The following HIGD2B variants were observed in gnomAD, a reference collection of about 807,000 sequenced individuals.
HIGD2B encodes HIG1 domain family member 2B.
For synonymous variants in HIGD2B, 45 were observed against 28.1 expected, an observed-to-expected ratio of 1.60 and a Z score of -1.90; for missense variants, 106 against 67.0, an observed-to-expected ratio of 1.58 and a Z score of -2.03.
chr15:72,679,081 AAG>A (rs2064722168), intron 2 of HIGD2B, among the ~76,000 whole-genome samples: 1 of 151,964 alleles, frequency 6.6e-6, no homozygotes, highest in Non-Finnish European at 1.5e-5. Flanking sequence ...GAAGGAAAGA[AAG>A]AGGGCAGCCA....
At chr15:72,679,118 C>T (rs2064722628) in intron 2 of HIGD2B, among the ~76,000 whole-genome samples, 1 of 150,866 alleles carries the variant, frequency 6.6e-6, no homozygotes, top group African/African-American at 2.4e-5. Flanking sequence ...CGCCTGTAAT[C>T]CTAGGACTTT....
rs570850980 is a variant in HIGD2B, at chr15:72,684,370, G to GTT, written c.-193+1447_-193+1448insAA. 7.5e-3 allele frequency among the ~76,000 whole-genome samples: 1,137 copies of GTT among 152,298 alleles called. 2 individuals carry two copies. Among genetic ancestry groups the GTT allele is most frequent in the Middle Eastern group, 0.01 (3 of 294 alleles). On this transcript the variant is annotated intron_variant, in intron 1 of 2. Transcript: ENST00000311755. Reference sequence around the variant, plus strand: ...GGACAGAATATTACCTGTTATAGCTGAAGTGTGAATTGGCCTTATGTTCCC... The same window carrying GTT: ...GGACAGAATATTACCTGTTATAGCTGTTAAGTGTGAATTGGCCTTATGTTCCC...
intron 1 of HIGD2B, among the ~76,000 whole-genome samples, chr15:72,683,646 G>C (rs1387950044): frequency 1.3e-5 from 2 of 152,008 alleles, no homozygotes; most frequent in Non-Finnish European, 2.9e-5. Context: ...CTTGAGACCA[G>C]CCTAGGTAAC....
rs757372228 is a variant in HIGD2B at position 72,676,369 on chromosome 15, C to T, written c.6G>A (p.Ala2=). Residue 2 remains alanine (A), a synonymous_variant, in exon 3 of 3, where the codon GCG becomes GCA. Coordinates refer to ENST00000311755, the MANE Select transcript of HIGD2B (RefSeq NM_001350932.3). M[A]TLGFVTPEAP... is the part of the protein sequence containing the mutation. ...CCTCCGGAGTCACAAAGCCGAGAGTCGCCATGCCTAGGCCACAGCTGCAGG... is the reference window on the plus strand; with the variant it reads ...CCTCCGGAGTCACAAAGCCGAGAGTTGCCATGCCTAGGCCACAGCTGCAGG... 50 of 753,658 alleles carry T rather than the reference C, an allele frequency of 6.6e-5. No homozygotes were observed. The highest frequency in any genetic ancestry group is 9.0e-5 in the Non-Finnish European group (37 of 411,942). 46.7% of individuals were successfully genotyped at this position (753,658 alleles called of 1,614,324 possible). A position where few individuals can be genotyped will look rare whatever the true frequency, so the allele number is the denominator to read the frequency against.
intron 2 of HIGD2B, 26 bp downstream of exon 2, chr15:72,679,989 T>G: frequency 3.1e-6 from 1 of 320,740 alleles, no homozygotes; most frequent in Non-Finnish European, 5.3e-6. Flanking sequence ...GGTAACCAAC[T>G]GCTGGTCCAA....
At chr15:72,685,253 C>T (rs1161086504) in intron 1 of HIGD2B, among the ~76,000 whole-genome samples, 3 of 152,230 alleles carry the variant, frequency 2.0e-5, no homozygotes, top group Non-Finnish European at 2.9e-5. Flanking sequence ...TAAATGCTTT[C>T]CCAGTTAATG....
intron 1 of HIGD2B, chr15:72,682,940 A>G (rs1446331861): frequency 5.6e-6 from 1 of 177,480 alleles, no homozygotes; most frequent in East Asian, 1.7e-4. Flanking sequence ...TCTATTCGCT[A>G]TTCACCGCTG....
At chr15:72,684,292 T>C (rs1381460403) in intron 1 of HIGD2B, among the ~76,000 whole-genome samples, 1 of 152,200 alleles carries the variant, frequency 6.6e-6, no homozygotes, top group Admixed American at 6.5e-5. Context: ...ATGCCTTATG[T>C]AAATAGAGAA....
intron 1 of HIGD2B, among the ~76,000 whole-genome samples, chr15:72,680,626 C>G (rs377706531): frequency 3.3e-5 from 5 of 152,192 alleles, no homozygotes; most frequent in African/African-American, 1.2e-4. Flanking sequence ...TTGGCTCACG[C>G]CTGTAATTCC....
chr15:72,684,526 TG>T (rs2064787397), intron 1 of HIGD2B, among the ~76,000 whole-genome samples: 2 of 151,874 alleles, frequency 1.3e-5, no homozygotes, highest in Non-Finnish European at 2.9e-5. Context: ...TTGCTCTTGT[TG>T]CCCAGGCTGG....
In HIGD2B at chr15:72,680,143, T is replaced by C. The variant is rs114436764; in HGVS notation, c.-142A>G. On this transcript the variant is annotated 5_prime_UTR_variant, in exon 2 of 3. Transcript: ENST00000311755. The stretch of plus-strand genomic sequence containing the variant: ...TTAGGTTTTCTGATCTTCTTCCCAT[T>C]CTTACCCAGCTGGTGGAGTCTACAG... 6.2e-4 allele frequency: 134 copies of C among 215,152 alleles called. 1 individual carries two copies. The highest frequency in any genetic ancestry group is 3.0e-3 in the African/African-American group (128 of 43,058). 13.3% of individuals were successfully genotyped at this position (215,152 alleles called of 1,614,324 possible). A position where few individuals can be genotyped will look rare whatever the true frequency, so the allele number is the denominator to read the frequency against.
chr15:72,685,520 G>A (rs531775402), intron 1 of HIGD2B, among the ~76,000 whole-genome samples: 1 of 152,168 alleles, frequency 6.6e-6, no homozygotes, highest in Non-Finnish European at 1.5e-5. Flanking sequence ...CGCACCGGGG[G>A]CCAGACAGGT....
chr15:72,678,529 T>A (rs1198517915), intron 2 of HIGD2B, among the ~76,000 whole-genome samples: 1 of 152,078 alleles, frequency 6.6e-6, no homozygotes, highest in Non-Finnish European at 1.5e-5. Flanking sequence ...CTCAAACTCC[T>A]GGACACAAGT....
chr15:72,683,735 G>C (rs2064773740), intron 1 of HIGD2B, among the ~76,000 whole-genome samples: 2 of 151,982 alleles, frequency 1.3e-5, no homozygotes. Flanking sequence ...CAGCTACTCA[G>C]GAGGCTGAGG....
intron 1 of HIGD2B, among the ~76,000 whole-genome samples, chr15:72,684,724 G>T (rs1595894806): frequency 6.6e-6 from 1 of 151,988 alleles, no homozygotes; most frequent in African/African-American, 2.4e-5. Flanking sequence ...CCTGACCTCA[G>T]GTGATCTGCC....
At position 72,685,901 on chromosome 15, in the gene HIGD2B, G is replaced by A. The variant is rs1270500434; in HGVS notation, c.-276C>T. ...CAGATTAGAGTCAGGGCAGGGTAAG[G>A]TGGCGGGAGAACTAGGCTGCCATCC... On this transcript the variant is annotated 5_prime_UTR_variant, in exon 1 of 3. Coordinates refer to ENST00000311755, the MANE Select transcript of HIGD2B (RefSeq NM_001350932.3). 4 of 498,366 alleles carry A rather than the reference G, an allele frequency of 8.0e-6. No individual in the cohort carries two copies. The highest frequency in any genetic ancestry group is 1.1e-5 in the Non-Finnish European group (3 of 272,272). The allele number at this position is 498,366 out of a possible 1,614,324, so 30.9% of individuals were successfully genotyped here. A position where few individuals can be genotyped will look rare whatever the true frequency, so the allele number is the denominator to read the frequency against.
intron 2 of HIGD2B, among the ~76,000 whole-genome samples, chr15:72,677,666 G>C (rs74989700): frequency 2.2e-4 from 33 of 151,816 alleles, no homozygotes; most frequent in Admixed American, 1.9e-3. Flanking sequence ...AGAGGCTGAG[G>C]CAAGAGGATC....
At position 72,681,640 on chromosome 15, in the gene HIGD2B, G is replaced by A. The variant is rs530718828; in HGVS notation, c.-192-1447C>T. On this transcript the variant is annotated intron_variant, in intron 1 of 2. Transcript: ENST00000311755. ...TTTTTTTGAGGCAAAGTCTTGCTCT[G>A]TCGCCCAGGCTGGAGTGCAGTGGTG... Among the ~76,000 whole-genome samples, 4 of 124,760 alleles carry A rather than the reference G, an allele frequency of 3.2e-5. No homozygotes were observed. The East Asian group carries it at 9.1e-4, about 28-fold the overall frequency. 81.8% of individuals were successfully genotyped at this position (124,760 alleles called of 152,430 possible). A position where few individuals can be genotyped will look rare whatever the true frequency, so the allele number is the denominator to read the frequency against.
intron 2 of HIGD2B, among the ~76,000 whole-genome samples, chr15:72,676,889 T>C (rs1045993550): frequency 2.0e-5 from 3 of 152,132 alleles, no homozygotes; most frequent in Non-Finnish European, 4.4e-5. Flanking sequence ...CTTCGTATGT[T>C]GACTATGGTG....
Sources: gnomAD v4.1 joint callset for allele counts (sites outside exome capture counted in the v4.1 genomes callset) on GRCh38, gnomAD v4.1.1 for gene constraint, MANE v1.5 for transcripts, NCBI Gene and HGNC (gene_info 2026-07-23, HGNC 2026-07-21) for gene names.